Variants in FAT4 observed in about 807,000 individuals in gnomAD.
FAT4 encodes the protein FAT atypical cadherin 4, also known as protocadherin Fat 4.
Under a neutral mutation model 303.9 loss-of-function variants are expected in FAT4, and 84 were observed. The observed-to-expected ratio is 0.28, with a 90% CI of 0.23 to 0.33. FAT4 has a LOEUF of 0.33. Among genes scored for constraint, FAT4 ranks in the 10% least tolerant of loss-of-function variants. The probability of loss-of-function intolerance (pLI) is 1.00; values close to 1 mark genes in which losing one functional copy is unlikely to be tolerated. For missense variants in FAT4, 6,005 were observed against 6,146.8 expected (o/e 0.98, Z 0.77); for synonymous variants, 2,307 against 2,298.8 (o/e 1.00, Z -0.10).
intron 2 of FAT4, among the ~76,000 whole-genome samples, chr4:125,354,842 A>C (rs1412813890): frequency 1.3e-5 from 2 of 151,674 alleles, no homozygotes; most frequent in African/African-American, 4.8e-5. Context: ...GTCCTGGATC[A>C]AACAGTGGAC....
At chr4:125,454,636 C>A (rs1019546417) in intron 10 of FAT4, among the ~76,000 whole-genome samples, 1 of 151,634 alleles carries the variant, frequency 6.6e-6, no homozygotes, top group Admixed American at 6.6e-5. Flanking sequence ...GAGTTCAAGA[C>A]CAGCCTGTCC....
At chr4:125,439,346 T>G (rs1471049587) in intron 8 of FAT4, among the ~76,000 whole-genome samples, 1 of 151,592 alleles carries the variant, frequency 6.6e-6, no homozygotes, top group Non-Finnish European at 1.5e-5. Context: ...TTTTTTTTTT[T>G]TTTTGAGATG....
Position 125,406,895 on chromosome 4 carries a change from G to A in FAT4, c.5323G>A (p.Val1775Ile), listed in dbSNP as rs547537537. The change falls in exon 4 of 18, where the codon GTC (valine) becomes ATC (isoleucine). Residue 1775 changes from valine to isoleucine, a missense_variant. By Grantham distance (29) the Val-to-Ile change is conservative. Coordinates refer to ENST00000394329, the MANE Select transcript of FAT4 (RefSeq NM_001291303.3). ...MDADEGANAL[V>I]TYTIISGADD... is the part of the protein sequence containing the mutation. Reference sequence around the variant, plus strand: ...CTTTTTTTAGGGTGCAAATGCTCTCGTCACATACACTATCATTAGTGGAGC... The same window carrying A: ...CTTTTTTTAGGGTGCAAATGCTCTCATCACATACACTATCATTAGTGGAGC... The A allele has an allele frequency of 3.1e-5, 50 of 1,613,660 alleles. No homozygotes were observed. Among genetic ancestry groups the A allele is most frequent in the South Asian group, 3.3e-5 (3 of 91,076 alleles).
chr4:125,448,330 GT>G, intron 9 of FAT4, 130 bp from the exon 10 acceptor site: 1 of 809,690 alleles, frequency 1.2e-6, no homozygotes, highest in Non-Finnish European at 1.9e-6. Context: ...AGGAGATACT[GT>G]TCTCCCTAGT....
At chr4:125,448,159 T>G (rs546496540) in intron 9 of FAT4, among the ~76,000 whole-genome samples, 1 of 152,156 alleles carries the variant, frequency 6.6e-6, no homozygotes, top group South Asian at 2.1e-4. Context: ...GAAACTATGA[T>G]TTTTGAACGA....
Position 125,491,885 on chromosome 4 carries a change from AG to A in FAT4, c.*120del. The A allele has an allele frequency of 9.7e-7, 1 of 1,035,986 alleles. No individual in the cohort carries two copies. The highest frequency in any genetic ancestry group is 1.8e-5 in the South Asian group (1 of 56,576). 64.2% of individuals were successfully genotyped at this position (1,035,986 alleles called of 1,614,324 possible). A position where few individuals can be genotyped will look rare whatever the true frequency, so the allele number is the denominator to read the frequency against. ...ACAGGCCAGTATGGACTAGTGGTGG[AG>A]GGAAAACTTTAAAAATAATAACCAC... On this transcript the variant is annotated 3_prime_UTR_variant, in exon 18 of 18. Coordinates refer to ENST00000394329, the MANE Select transcript of FAT4 (RefSeq NM_001291303.3).
Position 125,329,847 on chromosome 4 carries a change from G to A in FAT4, c.5175+8261G>A, listed in dbSNP as rs376945293. On this transcript the variant is annotated intron_variant, in intron 2 of 17. Transcript: ENST00000394329. ...GATTGATCAGGTCAAAAATCTTAGCGTTATCTTTGACTCCTAACTTTCTTT... is the reference window on the plus strand; with the variant it reads ...GATTGATCAGGTCAAAAATCTTAGCATTATCTTTGACTCCTAACTTTCTTT... 1.3e-3 allele frequency among the ~76,000 whole-genome samples: 205 copies of A among 152,210 alleles called. 1 individual carries two copies. Among genetic ancestry groups the A allele is most frequent in the African/African-American group, 4.6e-3 (191 of 41,550 alleles).
At position 125,318,502 on chromosome 4, in the gene FAT4, C is replaced by T; in HGVS notation, c.2091C>T (p.His697=). The change falls in exon 2 of 18, where the codon CAC becomes CAT. Residue 697 remains histidine, a synonymous_variant. Transcript: ENST00000394329. The part of the protein sequence containing the change: ...PVFYPVQYFA[H]IKENEPGGSY... ...TCTACCCGGTCCAATACTTTGCTCA[C>T]ATTAAGGAGAATGAGCCTGGAGGTA... 6.2e-7 allele frequency: 1 copy of T among 1,614,196 alleles called. No individual in the cohort carries two copies. The highest frequency in any genetic ancestry group is 8.5e-7 in the Non-Finnish European group (1 of 1,180,048).
chr4:125,318,279 A>C lies in FAT4; in HGVS notation c.1868A>C (p.Gln623Pro). Residue 623 changes from glutamine (Q) to proline (P), a missense_variant, in exon 2 of 18, where the codon CAA (glutamine) becomes CCA (proline). Physicochemically the swap from Gln to Pro is moderately conservative, Grantham distance 76. Coordinates refer to ENST00000394329, the MANE Select transcript of FAT4 (RefSeq NM_001291303.3). ...AACGGAACAGTGCGCTTCTCCTTAC[A>C]AGAGGCAGAGACTGACCGGAGGTCC... ...GDNGTVRFSL[Q>P]EAETDRRSFR... 1 of 1,614,202 alleles carries C rather than the reference A, an allele frequency of 6.2e-7. No individual in the cohort carries two copies. The highest frequency in any genetic ancestry group is 8.5e-7 in the Non-Finnish European group (1 of 1,180,044).
intron 4 of FAT4, among the ~76,000 whole-genome samples, chr4:125,407,931 G>A (rs1302399718): frequency 1.3e-5 from 2 of 152,088 alleles, no homozygotes. Flanking sequence ...ATCTACAGGA[G>A]ACTCCTTCTA....
intron 13 of FAT4, among the ~76,000 whole-genome samples, chr4:125,476,861 A>G (rs902372975): frequency 6.6e-6 from 1 of 152,096 alleles, no homozygotes; most frequent in Non-Finnish European, 1.5e-5. Context: ...ATTCTACAGC[A>G]TTTTATTTTC....
In FAT4 at chr4:125,491,814, T is replaced by A. The variant is rs1727660351; in HGVS notation, c.*46T>A. ...AAAATATAAAAACAAGAAATAATAC[T>A]CAAACCATTGTAAAGTTGCTGACTA... On this transcript the variant is annotated 3_prime_UTR_variant, in exon 18 of 18. Coordinates refer to ENST00000394329, the MANE Select transcript of FAT4 (RefSeq NM_001291303.3). 1 of 1,508,422 alleles carries A rather than the reference T, an allele frequency of 6.6e-7. No individual in the cohort carries two copies. Among genetic ancestry groups the A allele is most frequent in the South Asian group, 1.4e-5 (1 of 73,652 alleles). The allele number at this position is 1,508,422 out of a possible 1,614,324, so 93.4% of individuals were successfully genotyped here.
chr4:125,397,755 C>A (rs1460304631), intron 2 of FAT4, among the ~76,000 whole-genome samples: 1 of 152,148 alleles, frequency 6.6e-6, no homozygotes, highest in African/African-American at 2.4e-5. Context: ...CCACAGCTTC[C>A]ATTCTTCCTG....
chr4:125,318,014 GGGTCCT>G lies in FAT4; in HGVS notation c.1604_1609del (p.Gly535_Ser537delinsAla). 8 of 1,614,172 alleles carry G rather than the reference GGGTCCT, an allele frequency of 5.0e-6. No individual in the cohort carries two copies. The highest frequency in any genetic ancestry group is 6.8e-6 in the Non-Finnish European group (8 of 1,180,032). Reference sequence around the variant, plus strand: ...TGAACATAGCGGCCTCGTGACCACTGGGTCCTCTGGGGGCCTGGACCGTGAACTTGC... The same window carrying G: ...TGAACATAGCGGCCTCGTGACCACTGCTGGGGGCCTGGACCGTGAACTTGC... On this transcript the variant is annotated inframe_deletion, in exon 2 of 18. Transcript: ENST00000394329.
chr4:125,412,032 C>T (rs1734868513), intron 5 of FAT4, among the ~76,000 whole-genome samples: 1 of 151,574 alleles, frequency 6.6e-6, no homozygotes. Context: ...AATTGCAACA[C>T]TTATGGCTAA....
In FAT4 at chr4:125,415,494, C is replaced by G; in HGVS notation, c.6531C>G (p.Phe2177Leu). ...CTGGAACAGATATAATACAAGTGTT[C>G]GCAGCAGATGGAGATGAAGGCACAA... Reference protein sequence around the residue: ...TLTGTDIIQVFAADGDEGTNG... With the variant: ...TLTGTDIIQVLAADGDEGTNG... The change falls in exon 6 of 18, where the codon TTC (phenylalanine) becomes TTG (leucine). Residue 2177 changes from phenylalanine (F) to leucine (L), a missense_variant. By Grantham distance (22) the Phe-to-Leu change is conservative (BLOSUM62 0). Coordinates refer to ENST00000394329, the MANE Select transcript of FAT4 (RefSeq NM_001291303.3). 1 of 1,613,994 alleles carries G rather than the reference C, an allele frequency of 6.2e-7. No homozygotes were observed. The highest frequency in any genetic ancestry group is 2.2e-5 in the East Asian group (1 of 44,854).
intron 2 of FAT4, among the ~76,000 whole-genome samples, chr4:125,378,859 AT>A (rs1733432792): frequency 1.3e-5 from 2 of 152,204 alleles, no homozygotes; most frequent in Non-Finnish European, 1.5e-5. Flanking sequence ...AACTGAGAAG[AT>A]TATTTTCCTA....
rs1730552440 is a variant in FAT4, at chr4:125,315,743, C to A, written c.-247C>A. ...AGAGCGCGAACGCTAGCGCTTGGAA[C>A]GCAGTTCCCGAACTGCCTGCGCGCA... On this transcript the variant is annotated 5_prime_UTR_variant, in exon 1 of 18. Coordinates refer to ENST00000394329, the MANE Select transcript of FAT4 (RefSeq NM_001291303.3). Among the ~76,000 whole-genome samples, 1 of 152,172 alleles carries A rather than the reference C, an allele frequency of 6.6e-6. No homozygotes were observed. Among genetic ancestry groups the A allele is most frequent in the African/African-American group, 2.4e-5 (1 of 41,460 alleles).
intron 2 of FAT4, among the ~76,000 whole-genome samples, chr4:125,346,321 A>T (rs1414521064): frequency 6.6e-6 from 1 of 152,078 alleles, no homozygotes; most frequent in Non-Finnish European, 1.5e-5. Context: ...AAGTTGGGGT[A>T]CAGTAAGCTT....
Sources: gnomAD v4.1 joint callset for allele counts (sites outside exome capture counted in the v4.1 genomes callset) on GRCh38, gnomAD v4.1.1 for gene constraint, MANE v1.5 for transcripts, NCBI Gene and HGNC (gene_info 2026-07-23, HGNC 2026-07-21) for gene names.